The following ATP2B2 variants were observed in gnomAD, a reference collection of about 807,000 sequenced individuals.
The protein encoded by ATP2B2 is plasma membrane calcium-transporting ATPase 2.
Under a neutral mutation model 120.0 loss-of-function variants are expected in ATP2B2, and 15 were observed. That is an observed-to-expected ratio of 0.12 (90% CI 0.08 to 0.19). The LOEUF (loss-of-function observed/expected upper bound fraction) is 0.19, where lower values mean the gene tolerates loss of function less well. Ranked by LOEUF, ATP2B2 falls within the 10% of genes least tolerant of loss-of-function variation. The pLI, the probability that ATP2B2 is intolerant of heterozygous loss-of-function variation, is 1.00. For missense variants in ATP2B2, 1,045 were observed against 1,719.8 expected, an observed-to-expected ratio of 0.61 and a Z score of 6.94; for synonymous variants, 694 against 700.3, an observed-to-expected ratio of 0.99 and a Z score of 0.14.
chr3:10,438,873 G>A (rs1330235832), intron 2 of ATP2B2, among the ~76,000 whole-genome samples: 2 of 152,250 alleles, frequency 1.3e-5, no homozygotes, highest in Non-Finnish European at 2.9e-5. Flanking sequence ...TGTGACAGAT[G>A]AGGAAACTGA....
At chr3:10,703,984 G>A (rs865929011) in intron 1 of ATP2B2, among the ~76,000 whole-genome samples, 1 of 152,078 alleles carries the variant, frequency 6.6e-6, no homozygotes, top group Non-Finnish European at 1.5e-5. Context: ...AGCCAACCCC[G>A]AGCCTGCTTA....
At chr3:10,398,419 C>A (rs1392234810) in intron 5 of ATP2B2, among the ~76,000 whole-genome samples, 1 of 152,244 alleles carries the variant, frequency 6.6e-6, no homozygotes, top group Non-Finnish European at 1.5e-5. Context: ...GCTCAGAGGG[C>A]CTGTAGTGGC....
intron 2 of ATP2B2, among the ~76,000 whole-genome samples, chr3:10,449,088 A>G (rs2063939237): frequency 6.6e-6 from 1 of 152,196 alleles, no homozygotes; most frequent in African/African-American, 2.4e-5. Flanking sequence ...TCTCCAGAAC[A>G]CAGTCTTGAC....
At position 10,687,436 on chromosome 3, in the gene ATP2B2, T is replaced by C. The variant is rs2071549467; in HGVS notation, c.-460+20479A>G. ...CAAATGTAAGCTGCCTTTCCAGTAG[T>C]ATTTCAGGTCAATATAGTTTTCTTC... On this transcript the variant is annotated intron_variant, in intron 1 of 21. Transcript: ENST00000646379. 2.6e-5 allele frequency among the ~76,000 whole-genome samples: 4 copies of C among 152,354 alleles called. No individual in the cohort carries two copies. In the South Asian group the frequency reaches 8.3e-4, roughly 32 times the overall value.
At chr3:10,514,887 G>A (rs2066845672) in intron 3 of ATP2B2, among the ~76,000 whole-genome samples, 1 of 152,220 alleles carries the variant, frequency 6.6e-6, no homozygotes, top group South Asian at 2.1e-4. Flanking sequence ...GCCCCAGGGG[G>A]TTGGAAGAGC....
chr3:10,359,275 C>T (rs187675), intron 13 of ATP2B2, among the ~76,000 whole-genome samples: 27,467 of 152,052 alleles, frequency 0.18, 2,689 homozygotes, highest in East Asian at 0.39. Context: ...TACCCACGTG[C>T]GAGCCTTGCC....
At position 10,343,510 on chromosome 3, in the gene ATP2B2, G is replaced by A. The variant is rs2060343994; in HGVS notation, c.2704-545C>T. Among the ~76,000 whole-genome samples, 1 of 55,740 alleles carries A rather than the reference G, an allele frequency of 1.8e-5. No homozygotes were observed. Among genetic ancestry groups the A allele is most frequent in the South Asian group, 7.6e-4 (1 of 1,322 alleles). 36.6% of individuals were successfully genotyped at this position (55,740 alleles called of 152,430 possible). A position where few individuals can be genotyped will look rare whatever the true frequency, so the allele number is the denominator to read the frequency against. On this transcript the variant is annotated intron_variant, in intron 18 of 22. Coordinates refer to ENST00000360273, the MANE Select transcript of ATP2B2 (RefSeq NM_001001331.4). This position sits in a 1 kb window ranked among gnomAD's most constrained non-coding sequence, Gnocchi z 4.2. The stretch of plus-strand genomic sequence containing the variant: ...TCAAGGTAGGAAATATGGCAAATGA[G>A]GAATAGCAAAAGCAACTAAAACTGT...
At chr3:10,471,227 G>A (rs915799858) in intron 1 of ATP2B2, among the ~76,000 whole-genome samples, 10 of 152,182 alleles carry the variant, frequency 6.6e-5, no homozygotes, top group African/African-American at 2.4e-4. Context: ...TGCGGGTGAA[G>A]GCCAGGGTGC....
At chr3:10,360,273 C>A in intron 12 of ATP2B2, 150 bp from the exon 13 acceptor site, 2 of 1,357,592 alleles carry the variant, frequency 1.5e-6, no homozygotes, top group East Asian at 5.1e-5. Flanking sequence ...ATCCCCTGCA[C>A]CCTCAGGGCT....
Position 10,354,403 on chromosome 3 carries a change from G to A in ATP2B2, c.2137-3826C>T, listed in dbSNP as rs145968876. The stretch of plus-strand genomic sequence containing the variant: ...AGTTTGGGAAAAAATGACTTCTCTC[G>A]CTAAAATTATCCTAGATATTTCTCA... On this transcript the variant is annotated intron_variant, in intron 14 of 22. Coordinates refer to ENST00000360273, the MANE Select transcript of ATP2B2 (RefSeq NM_001001331.4). 4.2e-3 allele frequency among the ~76,000 whole-genome samples: 646 copies of A among 152,240 alleles called. 4 individuals carry two copies. Among genetic ancestry groups the A allele is most frequent in the African/African-American group, 0.015 (619 of 41,526 alleles).
Position 10,449,447 on chromosome 3 carries a change from A to C in ATP2B2, c.97T>G (p.Ser33Ala). Reference protein sequence around the residue: ...EFGCTMEELRSLMELRGTEAV... With the variant: ...EFGCTMEELRALMELRGTEAV... ...TCAGTGCCCCGCAGCTCCATGAGGG[A>C]GCGGAGCTCCTCCATTGTGCACCCG... The change falls in exon 2 of 23, where the codon TCC (serine) becomes GCC (alanine). Residue 33 changes from serine to alanine, a missense_variant. Around this residue, in one of 11 missense-constraint regions of ATP2B2, gnomAD observed 139 missense variants for 134.2 expected, o/e 1.04. Coordinates refer to ENST00000360273, the MANE Select transcript of ATP2B2 (RefSeq NM_001001331.4). 1.2e-6 allele frequency: 2 copies of C among 1,614,220 alleles called. No homozygotes were observed. Among genetic ancestry groups the C allele is most frequent in the South Asian group, 2.2e-5 (2 of 91,082 alleles).
At chr3:10,506,978 G>A (rs1012923612), upstream of ATP2B2, among the ~76,000 whole-genome samples, 4 of 152,216 alleles carry the variant, frequency 2.6e-5, no homozygotes, top group Non-Finnish European at 4.4e-5. Context: ...AGTTGGGAGC[G>A]CCTGAGGTGG....
chr3:10,461,777 G>A (rs1288070880), intron 1 of ATP2B2, among the ~76,000 whole-genome samples: 1 of 152,100 alleles, frequency 6.6e-6, no homozygotes, highest in Non-Finnish European at 1.5e-5. Context: ...CTAAAGTCCT[G>A]CCTTGCTTTT....
chr3:10,548,847 A>G (rs1033329003), intron 2 of ATP2B2, among the ~76,000 whole-genome samples: 5 of 152,204 alleles, frequency 3.3e-5, no homozygotes, highest in Non-Finnish European at 7.3e-5. Flanking sequence ...TGACTTTCCC[A>G]GCGTAACATG....
At chr3:10,586,327 G>A (rs2068509593) in intron 2 of ATP2B2, among the ~76,000 whole-genome samples, 1 of 152,176 alleles carries the variant, frequency 6.6e-6, no homozygotes, top group Admixed American at 6.5e-5. Flanking sequence ...GCCAGCACCT[G>A]AGGTGCCAGG....
chr3:10,619,191 T>C (rs1463946841), intron 2 of ATP2B2, among the ~76,000 whole-genome samples: 2 of 152,086 alleles, frequency 1.3e-5, no homozygotes, highest in Non-Finnish European at 2.9e-5. Flanking sequence ...TGTAAACAGA[T>C]GGCTCAGAGC....
At chr3:10,385,443 ATTATCCTTTGG>A in intron 7 of ATP2B2, 116 bp from the exon 8 acceptor site, 2 of 884,798 alleles carry the variant, frequency 2.3e-6, no homozygotes, top group Non-Finnish European at 3.6e-6. Context: ...AAAAAAAAAA[ATTATCCTTTGG>A]AAACCAAGAA....
intron 2 of ATP2B2, among the ~76,000 whole-genome samples, chr3:10,548,846 C>T (rs1206635943): frequency 6.6e-6 from 1 of 152,194 alleles, no homozygotes; most frequent in African/African-American, 2.4e-5. Context: ...ATGACTTTCC[C>T]AGCGTAACAT....
At chr3:10,570,649 G>A (rs1030479597) in intron 2 of ATP2B2, among the ~76,000 whole-genome samples, 1 of 152,204 alleles carries the variant, frequency 6.6e-6, no homozygotes, top group Non-Finnish European at 1.5e-5. Context: ...GAACACAAAG[G>A]CTGGCCTCTT....
Sources: allele counts gnomAD v4.1 joint callset (sites outside exome capture counted in the v4.1 genomes callset), GRCh38; gene constraint gnomAD v4.1.1; regional missense constraint gnomAD v4.1.1; non-coding constraint Gnocchi (gnomAD v3.1); transcripts MANE v1.5; gene names NCBI Gene and HGNC (gene_info 2026-07-23, HGNC 2026-07-21).